ECSIT: variants seen among roughly 807,000 people sequenced by gnomAD.
The protein encoded by ECSIT is ECSIT signaling integrator.
ECSIT carries 29 observed loss-of-function variants against 36.8 expected under a neutral mutation model. The ratio of observed to expected loss-of-function variants is 0.79; its 90% CI spans 0.59 to 1.08. The LOEUF (loss-of-function observed/expected upper bound fraction) is 1.08, where lower values mean the gene tolerates loss of function less well. ECSIT is among the 50% of genes least tolerant of loss of function. The probability of loss-of-function intolerance (pLI) is 0.00; values close to 1 mark genes in which losing one functional copy is unlikely to be tolerated. For missense variants in ECSIT, 542 were observed against 581.0 expected (o/e 0.93, Z 0.69); for synonymous variants, 231 against 234.8 (o/e 0.98, Z 0.15).
intron 2 of ECSIT, among the ~76,000 whole-genome samples, chr19:11,518,774 C>T (rs1310842219): frequency 6.6e-6 from 1 of 152,016 alleles, no homozygotes; most frequent in East Asian, 1.9e-4. Flanking sequence ...TAGTATGTGC[C>T]TGTAGTCCTG....
chr19:11,519,000 T>G, intron 2 of ECSIT, 75 bp downstream of exon 2: 1 of 1,282,788 alleles, frequency 7.8e-7, no homozygotes, highest in Non-Finnish European at 1.1e-6. Flanking sequence ...CTTCACAGAG[T>G]GGATTCTGAA....
chr19:11,528,322 G>A (rs1046209066), intron 1 of ECSIT, among the ~76,000 whole-genome samples: 3 of 152,146 alleles, frequency 2.0e-5, no homozygotes, highest in Non-Finnish European at 2.9e-5. Flanking sequence ...CACAATCACG[G>A]CTCACTACAG....
Position 11,507,539 on chromosome 19 carries a change from C to T in ECSIT, c.969G>A (p.Glu323=). 1.2e-6 allele frequency: 2 copies of T among 1,614,136 alleles called. No individual in the cohort carries two copies. The highest frequency in any genetic ancestry group is 1.7e-6 in the Non-Finnish European group (2 of 1,180,012). The change falls in exon 7 of 8, where the codon GAG becomes GAA. Residue 323 remains glutamate, a synonymous_variant. Transcript: ENST00000270517. ...GCTGCATCGGGTAGTAGAGGTTCCACTCCTCCGGCGTCTCTTCCACTTCCT... is the reference window on the plus strand; with the variant it reads ...GCTGCATCGGGTAGTAGAGGTTCCATTCCTCCGGCGTCTCTTCCACTTCCT... ...EEREVEETPE[E]WNLYYPMQLD...
chr19:11,523,829 T>C, intron 1 of ECSIT: 1 of 598,164 alleles, frequency 1.7e-6, no homozygotes. Context: ...ATGCAAGAAA[T>C]GAAGACATAA....
In ECSIT at chr19:11,507,548, C is replaced by A. The variant is rs774228011; in HGVS notation, c.960G>T (p.Thr320=). 1.2e-6 allele frequency: 2 copies of A among 1,613,942 alleles called. No homozygotes were observed. The highest frequency in any genetic ancestry group is 1.3e-5 in the African/African-American group (1 of 74,882). ...GGTAGTAGAGGTTCCACTCCTCCGGCGTCTCTTCCACTTCCTACTCCAAGG... is the reference window on the plus strand; with the variant it reads ...GGTAGTAGAGGTTCCACTCCTCCGGAGTCTCTTCCACTTCCTACTCCAAGG... ...LPPEEREVEE[T]PEEWNLYYPM... Residue 320 remains threonine (T), a synonymous_variant, in exon 7 of 8, where the codon ACG becomes ACT. Coordinates refer to ENST00000270517, the MANE Select transcript of ECSIT (RefSeq NM_016581.5).
chr19:11,518,459 C>T (rs1972040658), intron 2 of ECSIT, among the ~76,000 whole-genome samples: 1 of 151,802 alleles, frequency 6.6e-6, no homozygotes. Context: ...CATGGTGGCT[C>T]AAATCAGTGA....
At chr19:11,508,383 A>ATTGTTTTTTTTTTTTTTTTTTTT (rs1971801739) in intron 4 of ECSIT, among the ~76,000 whole-genome samples, 1 of 124,052 alleles carries the variant, frequency 8.1e-6, no homozygotes, top group African/African-American at 3.6e-5. Flanking sequence ...CTTAATTCCG[A>ATTGTTTTTTTTTTTTTTTTTTTT]TTTTTTTTTT....
chr19:11,518,948 G>C, intron 2 of ECSIT, 127 bp downstream of exon 2: 2 of 764,648 alleles, frequency 2.6e-6, no homozygotes, highest in Non-Finnish European at 4.6e-6. Flanking sequence ...CTTTTAATGG[G>C]ACCTCGGCAC....
intron 2 of ECSIT, among the ~76,000 whole-genome samples, chr19:11,515,484 G>A (rs1971979827): frequency 6.6e-6 from 1 of 150,714 alleles, no homozygotes; most frequent in Admixed American, 6.6e-5. Context: ...TTGAGACAGA[G>A]TTTCACTCGT....
Position 11,507,843 on chromosome 19 carries a change from C to T in ECSIT, c.804G>A (p.Gln268=), listed in dbSNP as rs759946000. 1 of 1,613,662 alleles carries T rather than the reference C, an allele frequency of 6.2e-7. No individual in the cohort carries two copies. Among genetic ancestry groups the T allele is most frequent in the East Asian group, 2.2e-5 (1 of 44,878 alleles). ...DPPQPHIVGI[Q]SPDQQAALAR... ...CCAGGGCGGCCTGCTGATCGGGACTCTGGATTCCTGGTGTGGAGACATACA... is the reference window on the plus strand; with the variant it reads ...CCAGGGCGGCCTGCTGATCGGGACTTTGGATTCCTGGTGTGGAGACATACA... Residue 268 remains glutamine, a synonymous_variant, in exon 6 of 8, where the codon CAG becomes CAA. Coordinates refer to ENST00000270517, the MANE Select transcript of ECSIT (RefSeq NM_016581.5).
chr19:11,520,101 T>G (rs763852393), intron 1 of ECSIT: 1 of 152,188 alleles, frequency 6.6e-6, no homozygotes, highest in Non-Finnish European at 1.5e-5. Context: ...TGCCGGCCAT[T>G]TCATACAAAT....
chr19:11,523,093 T>C (rs1255116303), intron 1 of ECSIT, among the ~76,000 whole-genome samples: 2 of 151,982 alleles, frequency 1.3e-5, no homozygotes, highest in Non-Finnish European at 2.9e-5. Flanking sequence ...TGTGCCTGCC[T>C]CTCCATCTAC....
Position 11,507,409 on chromosome 19 carries a change from G to A in ECSIT, c.1051+48C>T, listed in dbSNP as rs780748201. Reference sequence around the variant, plus strand: ...TCCCACCTCAGCCTGTAGGAGGGCTGGGATTACGAGCACACATGTGAGCCA... The same window carrying A: ...TCCCACCTCAGCCTGTAGGAGGGCTAGGATTACGAGCACACATGTGAGCCA... On this transcript the variant is annotated intron_variant, in intron 7 of 7. Coordinates refer to ENST00000270517, the MANE Select transcript of ECSIT (RefSeq NM_016581.5). The A allele has an allele frequency of 3.4e-6, 5 of 1,490,584 alleles. No homozygotes were observed. In the African/African-American group the frequency reaches 4.2e-5, roughly 12 times the overall value. The allele number at this position is 1,490,584 out of a possible 1,614,324, so 92.3% of individuals were successfully genotyped here. A position where few individuals can be genotyped will look rare whatever the true frequency, so the allele number is the denominator to read the frequency against.
rs71166605 is a variant in ECSIT, at chr19:11,506,529, CTTTTTTTTTTTT to C, written c.1052-113_1052-102del. 16 of 678,396 alleles carry C rather than the reference CTTTTTTTTTTTT, an allele frequency of 2.4e-5. No individual in the cohort carries two copies. The African/African-American group carries it at 2.6e-4, about 11-fold the overall frequency. 42.0% of individuals were successfully genotyped at this position (678,396 alleles called of 1,614,324 possible). Reference sequence around the variant, plus strand: ...GGTATTTTACACTCCCTTCCACTTCCTTTTTTTTTTTTTTTTTTTTTTTGAGACGGAGTCTCG... The same window carrying C: ...GGTATTTTACACTCCCTTCCACTTCCTTTTTTTTTTTGAGACGGAGTCTCG... On this transcript the variant is annotated intron_variant, in intron 7 of 7. Coordinates refer to ENST00000270517, the MANE Select transcript of ECSIT (RefSeq NM_016581.5).
rs749613752 is a variant in ECSIT, at chr19:11,513,205, A to C, written c.589T>G (p.Leu197Val). 6.2e-7 allele frequency: 1 copy of C among 1,614,118 alleles called. No individual in the cohort carries two copies. Among genetic ancestry groups the C allele is most frequent in the Admixed American group, 1.7e-5 (1 of 60,004 alleles). The change falls in exon 4 of 8, where the codon TTG becomes GTG. Residue 197 changes from leucine to valine, a missense_variant. By Grantham distance (32) the Leu-to-Val change is conservative. Transcript: ENST00000270517. ...FGRKSYPMLK[L>V]VRLKLWFPRF... ...GGGAACCACAGCTTCAGGCGCACCA[A>C]CTTGAGCATGGGGTAGCTTTTGCGT...
intron 4 of ECSIT, among the ~76,000 whole-genome samples, chr19:11,509,160 C>T (rs999588741): frequency 2.6e-5 from 4 of 151,260 alleles, no homozygotes; most frequent in Admixed American, 2.6e-4. Context: ...GCAACCTCCA[C>T]CTCCTGGGTT....
At chr19:11,518,738 A>G (rs970826245) in intron 2 of ECSIT, among the ~76,000 whole-genome samples, 1 of 152,092 alleles carries the variant, frequency 6.6e-6, no homozygotes. Flanking sequence ...CTCTACAAAA[A>G]AAATACAAAA....
At chr19:11,527,875 T>C (rs944278549) in intron 1 of ECSIT, among the ~76,000 whole-genome samples, 17 of 152,154 alleles carry the variant, frequency 1.1e-4, no homozygotes, top group Admixed American at 9.8e-4. Context: ...GCACCTGTAG[T>C]TCCAGCTACT....
At chr19:11,526,138 C>T (rs1368646081) in intron 1 of ECSIT, among the ~76,000 whole-genome samples, 1 of 151,944 alleles carries the variant, frequency 6.6e-6, no homozygotes, top group African/African-American at 2.4e-5. Context: ...CTAATTTTTG[C>T]GTTCTTAGTA....
Sources: allele counts gnomAD v4.1 joint callset (sites outside exome capture counted in the v4.1 genomes callset), GRCh38; gene constraint gnomAD v4.1.1; transcripts MANE v1.5; gene names NCBI Gene and HGNC (gene_info 2026-07-23, HGNC 2026-07-21).